LPP: variants seen among roughly 807,000 people sequenced by gnomAD.
LPP encodes the protein LIM domain containing preferred translocation partner in lipoma.
A neutral mutation model predicts 60.4 loss-of-function variants in LPP; 38 were observed. The ratio of observed to expected loss-of-function variants is 0.63; its 90% CI spans 0.49 to 0.83. The LOEUF (loss-of-function observed/expected upper bound fraction) is 0.83. Ranked by LOEUF, LPP falls within the 40% of genes least tolerant of loss-of-function variation. The pLI, the probability that LPP is intolerant of heterozygous loss-of-function variation, is 0.00. For missense variants in LPP, 902 were observed against 783.6 expected (o/e 1.15, Z -1.80); for synonymous variants, 328 against 290.8 (o/e 1.13, Z -1.30).
rs370955176 is a variant in LPP at position 188,672,195 on chromosome 3, AC to A, written c.1114-36071del. Among the ~76,000 whole-genome samples the A allele has an allele frequency of 1.1e-3, 161 of 152,288 alleles. 2 individuals carry two copies. Among genetic ancestry groups the A allele is most frequent in the African/African-American group, 3.8e-3 (156 of 41,578 alleles). On this transcript the variant is annotated intron_variant, in intron 7 of 11. Coordinates refer to ENST00000617246, the MANE Select transcript of LPP (RefSeq NM_001375462.1). ...TTTGCATTCCTGGAAGACAAAACTC[AC>A]GTTTATAATCTTTCTTGATACTAAG...
chr3:188,452,985 G>C lies in LPP; in HGVS notation c.194-31607G>C, dbSNP rs149606978. ...GCCCACATGGCCATACATGACCATGGTTCTTACTGGTGTGAAGAAAGCAGA... is the reference window on the plus strand; with the variant it reads ...GCCCACATGGCCATACATGACCATGCTTCTTACTGGTGTGAAGAAAGCAGA... On this transcript the variant is annotated intron_variant, in intron 4 of 11. Coordinates refer to ENST00000617246, the MANE Select transcript of LPP (RefSeq NM_001375462.1). Among the ~76,000 whole-genome samples the C allele has an allele frequency of 1.0e-3, 155 of 152,276 alleles. 1 individual carries two copies. Among genetic ancestry groups the C allele is most frequent in the Middle Eastern group, 6.8e-3 (2 of 294 alleles).
At chr3:188,813,880 G>A (rs894231884) in intron 9 of LPP, among the ~76,000 whole-genome samples, 1 of 152,078 alleles carries the variant, frequency 6.6e-6, no homozygotes, top group African/African-American at 2.4e-5. Flanking sequence ...GACCAGCCTG[G>A]CCAACATGGT....
chr3:188,284,227 G>A (rs1253256523), intron 2 of LPP, among the ~76,000 whole-genome samples: 4 of 151,948 alleles, frequency 2.6e-5, no homozygotes, highest in Non-Finnish European at 4.4e-5. Context: ...GAGATTATAG[G>A]TGTGAGCCAC....
At chr3:188,787,687 C>G (rs1267756942) in intron 9 of LPP, among the ~76,000 whole-genome samples, 1 of 152,186 alleles carries the variant, frequency 6.6e-6, no homozygotes, top group Non-Finnish European at 1.5e-5. Context: ...TTCTTCCTAT[C>G]GCTGTACACA....
In LPP at chr3:188,535,343, A is replaced by G. The variant is rs547213024; in HGVS notation, c.429+10556A>G. Among the ~76,000 whole-genome samples, 83 of 152,374 alleles carry G rather than the reference A, an allele frequency of 5.4e-4. 1 individual carries two copies. The highest frequency in any genetic ancestry group is 8.5e-4 in the Admixed American group (13 of 15,306). ...TAGGTATAAAATGACTTCGGTTTGC[A>G]TAACAAAGAAATAATTGTGATGAGT... On this transcript the variant is annotated intron_variant, in intron 6 of 11. Coordinates refer to ENST00000617246, the MANE Select transcript of LPP (RefSeq NM_001375462.1).
At chr3:188,284,697 A>G (rs1743310861) in intron 2 of LPP, among the ~76,000 whole-genome samples, 1 of 152,170 alleles carries the variant, frequency 6.6e-6, no homozygotes, top group Non-Finnish European at 1.5e-5. Context: ...GGACTTACCC[A>G]AGGCCATACA....
chr3:188,324,977 TTTTC>T (rs1302034872), intron 2 of LPP, among the ~76,000 whole-genome samples: 1 of 152,060 alleles, frequency 6.6e-6, no homozygotes, highest in Non-Finnish European at 1.5e-5. Context: ...TCTCCTTTTT[TTTTC>T]TTTCTTTATT....
chr3:188,642,937 A>G (rs1404934799), intron 7 of LPP, among the ~76,000 whole-genome samples: 2 of 12,862 alleles, frequency 1.6e-4, no homozygotes, highest in Non-Finnish European at 2.3e-3. Context: ...ACTCCATCTC[A>G]GGGAAAAAAA....
intron 7 of LPP, among the ~76,000 whole-genome samples, chr3:188,671,825 G>T (rs1414088053): frequency 6.6e-6 from 1 of 152,066 alleles, no homozygotes; most frequent in Non-Finnish European, 1.5e-5. Context: ...GCCCGGAATG[G>T]GTGAAATACC....
intron 2 of LPP, among the ~76,000 whole-genome samples, chr3:188,338,893 A>G (rs1762354842): frequency 6.6e-6 from 1 of 152,184 alleles, no homozygotes; most frequent in Non-Finnish European, 1.5e-5. Flanking sequence ...GGAAAATTCA[A>G]AGGACACCAT....
At chr3:188,519,566 G>A (rs7619699) in intron 5 of LPP, among the ~76,000 whole-genome samples, 98,654 of 152,010 alleles carry the variant, frequency 0.65, 35,463 homozygotes, top group East Asian at 0.82. Flanking sequence ...GGTGATATTA[G>A]ATAATACTGT....
intron 2 of LPP, among the ~76,000 whole-genome samples, chr3:188,302,704 T>A (rs969818225): frequency 1.3e-5 from 2 of 152,212 alleles, no homozygotes; most frequent in Non-Finnish European, 2.9e-5. Flanking sequence ...CCCTTCAAAC[T>A]TTTGTAAGCT....
intron 2 of LPP, among the ~76,000 whole-genome samples, chr3:188,256,408 G>T (rs546619647): frequency 3.3e-5 from 5 of 152,186 alleles, no homozygotes; most frequent in African/African-American, 1.2e-4. Context: ...TATTGTTATA[G>T]AACTAGATTA....
intron 7 of LPP, among the ~76,000 whole-genome samples, chr3:188,645,377 C>T (rs1580661871): frequency 2.0e-5 from 3 of 151,966 alleles, no homozygotes; most frequent in Admixed American, 1.3e-4. Context: ...TCTCTTCAGT[C>T]GTCTCTCCAT....
At chr3:188,157,592 C>T (rs1055718158) in intron 1 of LPP, among the ~76,000 whole-genome samples, 11 of 151,966 alleles carry the variant, frequency 7.2e-5, no homozygotes, top group Admixed American at 2.6e-4. Flanking sequence ...AGCCTGCTTA[C>T]GGTGAACCAG....
intron 7 of LPP, among the ~76,000 whole-genome samples, chr3:188,668,708 C>T (rs1209959754): frequency 6.6e-6 from 1 of 152,164 alleles, no homozygotes; most frequent in Non-Finnish European, 1.5e-5. Context: ...GAGTCATTTG[C>T]TGTTTTTCCG....
intron 3 of LPP, among the ~76,000 whole-genome samples, chr3:188,401,895 A>G (rs146825466): frequency 6.6e-6 from 1 of 152,340 alleles, no homozygotes; most frequent in Non-Finnish European, 1.5e-5. Flanking sequence ...AAGGACTAGT[A>G]GAAAGTAATG....
intron 9 of LPP, among the ~76,000 whole-genome samples, chr3:188,814,641 G>T (rs930112871): frequency 5.9e-5 from 9 of 152,236 alleles, no homozygotes; most frequent in African/African-American, 2.2e-4. Context: ...GTAGTATCAG[G>T]TTTATTGTGA....
At chr3:188,813,442 T>C (rs1268164786) in intron 9 of LPP, among the ~76,000 whole-genome samples, 1 of 152,216 alleles carries the variant, frequency 6.6e-6, no homozygotes, top group African/African-American at 2.4e-5. Flanking sequence ...TATTGAAATA[T>C]AAAAGTAGGT....
Sources: gnomAD v4.1 joint callset for allele counts (sites outside exome capture counted in the v4.1 genomes callset) on GRCh38, gnomAD v4.1.1 for gene constraint, MANE v1.5 for transcripts, NCBI Gene and HGNC (gene_info 2026-07-23, HGNC 2026-07-21) for gene names.